Variants in SORCS3 observed in about 807,000 individuals in gnomAD.
The protein encoded by SORCS3 is sortilin related VPS10 domain containing receptor 3, also known as VPS10 domain-containing receptor SorCS3.
Under a neutral mutation model 146.3 loss-of-function variants are expected in SORCS3, and 57 were observed. That is an observed-to-expected ratio of 0.39 (90% CI 0.31 to 0.49). The LOEUF is 0.49. SORCS3 is among the 20% of genes least tolerant of loss of function. The pLI is 0.92. For missense variants in SORCS3, 1,341 were observed against 1,575.5 expected (o/e 0.85, Z 2.52); for synonymous variants, 653 against 618.5 (o/e 1.06, Z -0.83).
chr10:104,864,409 A>G (rs2018438173), intron 2 of SORCS3, among the ~76,000 whole-genome samples: 1 of 152,130 alleles, frequency 6.6e-6, no homozygotes, highest in South Asian at 2.1e-4. Context: ...CATCTTAGGA[A>G]TCCTCAGTGA....
At chr10:105,038,496 A>G (rs1053752711) in intron 4 of SORCS3, among the ~76,000 whole-genome samples, 2 of 152,224 alleles carry the variant, frequency 1.3e-5, no homozygotes, top group African/African-American at 4.8e-5. Flanking sequence ...TTTAAAAGGT[A>G]GTTTGAGAGA....
intron 4 of SORCS3, among the ~76,000 whole-genome samples, chr10:105,038,203 G>A (rs1477650767): frequency 2.0e-5 from 3 of 152,220 alleles, no homozygotes; most frequent in Non-Finnish European, 4.4e-5. Context: ...GGATATGGAA[G>A]AGAACATGGC....
At chr10:104,896,091 A>G (rs1291451354) in intron 2 of SORCS3, among the ~76,000 whole-genome samples, 1 of 151,932 alleles carries the variant, frequency 6.6e-6, no homozygotes, top group Admixed American at 6.6e-5. Flanking sequence ...GCCAGAGTCC[A>G]TTTGTTTTTT....
intron 1 of SORCS3, among the ~76,000 whole-genome samples, chr10:104,798,012 G>A (rs1033302375): frequency 2.6e-5 from 4 of 152,118 alleles, no homozygotes; most frequent in Non-Finnish European, 5.9e-5. Context: ...GGGAAGGTTG[G>A]GAGATGGTGC....
At chr10:104,847,259 T>C (rs2018216289) in intron 2 of SORCS3, among the ~76,000 whole-genome samples, 1 of 152,234 alleles carries the variant, frequency 6.6e-6, no homozygotes, top group African/African-American at 2.4e-5. Context: ...ATTAATCCAC[T>C]GCTCGAGGTT....
intron 4 of SORCS3, among the ~76,000 whole-genome samples, chr10:105,035,882 G>C (rs1381228011): frequency 1.3e-5 from 2 of 152,152 alleles, no homozygotes; most frequent in African/African-American, 4.8e-5. Flanking sequence ...TTGAAAACCA[G>C]GTGTGCATCT....
chr10:105,107,536 C>T (rs1466538400), intron 7 of SORCS3, among the ~76,000 whole-genome samples: 1 of 152,000 alleles, frequency 6.6e-6, no homozygotes, highest in African/African-American at 2.4e-5. Flanking sequence ...TGAAACATTC[C>T]TTTTTTATTA....
intron 3 of SORCS3, among the ~76,000 whole-genome samples, chr10:104,926,000 C>T (rs34407666): frequency 0.012 from 1,774 of 152,316 alleles, 10 homozygotes; most frequent in Non-Finnish European, 0.017. Flanking sequence ...ATTGTTACTA[C>T]TGGGATGGAG....
At chr10:105,247,682 A>G (rs1385778547) in intron 22 of SORCS3, among the ~76,000 whole-genome samples, 1 of 152,164 alleles carries the variant, frequency 6.6e-6, no homozygotes, top group Admixed American at 6.6e-5. Flanking sequence ...GGGGAGGTAG[A>G]TGTTGCAGTG....
chr10:104,746,319 G>A (rs1379432800), intron 1 of SORCS3, among the ~76,000 whole-genome samples: 1 of 152,018 alleles, frequency 6.6e-6, no homozygotes, highest in African/African-American at 2.4e-5. Context: ...TGTATTTTTA[G>A]TAGAGACGGG....
intron 1 of SORCS3, among the ~76,000 whole-genome samples, chr10:104,711,613 G>C (rs890282103): frequency 6.6e-6 from 1 of 152,240 alleles, no homozygotes; most frequent in African/African-American, 2.4e-5. Flanking sequence ...GGGAGGACCA[G>C]AGCTAGCTCC....
At chr10:104,968,590 T>G (rs978917227) in intron 3 of SORCS3, among the ~76,000 whole-genome samples, 1 of 152,164 alleles carries the variant, frequency 6.6e-6, no homozygotes, top group African/African-American at 2.4e-5. Flanking sequence ...AACTGCTTTA[T>G]AAAGAATCAA....
At chr10:104,908,060 T>C (rs1043647332) in intron 2 of SORCS3, among the ~76,000 whole-genome samples, 1 of 152,226 alleles carries the variant, frequency 6.6e-6, no homozygotes, top group Non-Finnish European at 1.5e-5. Context: ...TGGGAACTCC[T>C]GACGCTGACC....
At chr10:105,039,631 A>G (rs1397471921) in intron 4 of SORCS3, among the ~76,000 whole-genome samples, 1 of 151,330 alleles carries the variant, frequency 6.6e-6, no homozygotes, top group Non-Finnish European at 1.5e-5. Context: ...TAATTTTTGT[A>G]TTTTTAGTAG....
At chr10:104,839,828 G>A (rs1377733728) in intron 1 of SORCS3, among the ~76,000 whole-genome samples, 1 of 152,174 alleles carries the variant, frequency 6.6e-6, no homozygotes, top group Non-Finnish European at 1.5e-5. Flanking sequence ...TGGGAAAGGA[G>A]CCAGAGCAGA....
At chr10:105,000,310 A>T (rs1158217639) in intron 4 of SORCS3, among the ~76,000 whole-genome samples, 1 of 150,996 alleles carries the variant, frequency 6.6e-6, no homozygotes, top group African/African-American at 2.5e-5. Context: ...CATGGTACTT[A>T]TTTTTGTGTG....
chr10:105,188,599 C>T (rs1169284030), intron 14 of SORCS3, among the ~76,000 whole-genome samples: 3 of 152,148 alleles, frequency 2.0e-5, no homozygotes, highest in Non-Finnish European at 4.4e-5. Context: ...AATAAAATTT[C>T]AGGAAATTGC....
intron 7 of SORCS3, among the ~76,000 whole-genome samples, chr10:105,129,943 C>A (rs1407613831): frequency 6.6e-6 from 1 of 152,080 alleles, no homozygotes; most frequent in Non-Finnish European, 1.5e-5. Context: ...ACCCCAGCAC[C>A]TCTTGAAGCC....
chr10:104,952,255 GAAAAAAAAAAAAAAAAAAAAA>G (rs55880149), intron 3 of SORCS3, among the ~76,000 whole-genome samples: 3 of 40,608 alleles, frequency 7.4e-5, no homozygotes, highest in African/African-American at 1.8e-4. Context: ...ATGAATGTTT[GAAAAAAAAAAAAAAAAAAAAA>G]AAAAAAAAAA....
Sources: allele counts gnomAD v4.1 joint callset (sites outside exome capture counted in the v4.1 genomes callset), GRCh38; gene constraint gnomAD v4.1.1; transcripts MANE v1.5; gene names NCBI Gene and HGNC (gene_info 2026-07-23, HGNC 2026-07-21).